TRHDE: variants seen among roughly 807,000 people sequenced by gnomAD.
TRHDE encodes thyrotropin releasing hormone degrading enzyme, also known as thyrotropin-releasing hormone-degrading ectoenzyme.
In TRHDE, 72 loss-of-function variants were observed where a neutral mutation model predicts 125.7. That is an observed-to-expected ratio of 0.57 (90% CI 0.47 to 0.70). The LOEUF is 0.70. TRHDE is among the 30% of genes least tolerant of loss of function. The pLI is 0.00. For missense variants in TRHDE, 1,110 were observed against 1,327.1 expected, an observed-to-expected ratio of 0.84 and a Z score of 2.54; for synonymous variants, 509 against 509.1, an observed-to-expected ratio of 1.00 and a Z score of 0.00.
intron 2 of TRHDE, among the ~76,000 whole-genome samples, chr12:72,303,406 T>A (rs935890183): frequency 6.6e-6 from 1 of 152,130 alleles, no homozygotes; most frequent in Non-Finnish European, 1.5e-5. Flanking sequence ...ACTGTTTTAC[T>A]GATGTTCATT....
At chr12:72,582,218 G>C (rs576923328) in intron 12 of TRHDE, 2 of 974,432 alleles carry the variant, frequency 2.1e-6, no homozygotes, top group Non-Finnish European at 2.4e-6. Context: ...TTATTTACTT[G>C]TCTAACAGCT....
At chr12:72,639,941 T>C (rs2136098120) in intron 15 of TRHDE, among the ~76,000 whole-genome samples, 2 of 135,518 alleles carry the variant, frequency 1.5e-5, no homozygotes, top group South Asian at 5.2e-4. Context: ...CTGTAGAGGT[T>C]ACTGCTGTCT....
intron 2 of TRHDE, among the ~76,000 whole-genome samples, chr12:72,109,492 G>T (rs558111633): frequency 6.6e-6 from 1 of 152,178 alleles, no homozygotes; most frequent in East Asian, 1.9e-4. Flanking sequence ...TCTAGAGTTA[G>T]TATAGCAGGT....
intron 2 of TRHDE, among the ~76,000 whole-genome samples, chr12:72,356,135 A>G (rs1405993151): frequency 6.6e-6 from 1 of 151,798 alleles, no homozygotes; most frequent in African/African-American, 2.4e-5. Context: ...CATGGGATCA[A>G]TCTAAATGCC....
intron 2 of TRHDE, among the ~76,000 whole-genome samples, chr12:72,233,450 G>A (rs188648832): frequency 6.6e-6 from 1 of 152,208 alleles, no homozygotes; most frequent in Non-Finnish European, 1.5e-5. Flanking sequence ...TGGCTAGAGC[G>A]CTGGGGCACA....
intron 2 of TRHDE, among the ~76,000 whole-genome samples, chr12:72,158,780 G>A (rs951604347): frequency 4.6e-5 from 7 of 152,156 alleles, no homozygotes; most frequent in African/African-American, 1.7e-4. Flanking sequence ...ATTCCTGATG[G>A]CTTATATCTT....
chr12:72,505,010 A>G (rs972787852), intron 6 of TRHDE, among the ~76,000 whole-genome samples: 1 of 152,140 alleles, frequency 6.6e-6, no homozygotes, highest in Non-Finnish European at 1.5e-5. Flanking sequence ...AATAATTATA[A>G]TACACTTTAA....
intron 16 of TRHDE, among the ~76,000 whole-genome samples, 173 bp from the exon 17 acceptor site, chr12:72,652,843 T>A (rs921465404): frequency 7.2e-5 from 11 of 152,000 alleles, no homozygotes; most frequent in African/African-American, 2.7e-4. Context: ...TACTATGAGT[T>A]TGATCCTCTT....
At chr12:72,468,880 G>A (rs1325712580) in intron 3 of TRHDE, among the ~76,000 whole-genome samples, 2 of 152,162 alleles carry the variant, frequency 1.3e-5, no homozygotes. Context: ...GCCTGGAGAT[G>A]TTTTTTAGTT....
At chr12:72,135,689 A>G (rs1422619989) in intron 2 of TRHDE, among the ~76,000 whole-genome samples, 1 of 152,010 alleles carries the variant, frequency 6.6e-6, no homozygotes, top group African/African-American at 2.4e-5. Flanking sequence ...TGTGGATGAG[A>G]TTGATGAGTA....
intron 2 of TRHDE, among the ~76,000 whole-genome samples, chr12:72,144,456 T>C (rs1027282121): frequency 2.0e-5 from 3 of 152,266 alleles, no homozygotes; most frequent in African/African-American, 7.2e-5. Flanking sequence ...TTTGCCCAAG[T>C]AGTCTTTGAG....
rs189150791 is a variant in TRHDE, at chr12:72,536,072, G to A, written c.1723-6219G>A. ...GATACATTATTTCTTAACTTCTCTT[G>A]TGCTGGAGGAGAGCAAACCATTAAG... On this transcript the variant is annotated intron_variant, in intron 6 of 18. Transcript: ENST00000261180. Among the ~76,000 whole-genome samples the A allele has an allele frequency of 2.6e-3, 402 of 152,186 alleles. 1 individual carries two copies. Among genetic ancestry groups the A allele is most frequent in the Middle Eastern group, 6.8e-3 (2 of 294 alleles).
intron 2 of TRHDE, among the ~76,000 whole-genome samples, chr12:72,219,754 T>C (rs1877965520): frequency 6.6e-6 from 1 of 152,174 alleles, no homozygotes; most frequent in African/African-American, 2.4e-5. Context: ...TCCATCTTGG[T>C]ATTTATTTCA....
At chr12:72,552,897 G>T (rs1390585866) in intron 7 of TRHDE, among the ~76,000 whole-genome samples, 2 of 152,088 alleles carry the variant, frequency 1.3e-5, no homozygotes, top group African/African-American at 2.4e-5. Context: ...GAAAGGAGAT[G>T]ATAATGTTGG....
chr12:72,520,629 A>T (rs951771882), intron 6 of TRHDE, among the ~76,000 whole-genome samples: 11 of 152,178 alleles, frequency 7.2e-5, no homozygotes, highest in Admixed American at 1.3e-4. Flanking sequence ...GGAGCTGTAG[A>T]CTGGAGCTGT....
chr12:72,572,686 C>A (rs1870803381), intron 10 of TRHDE, among the ~76,000 whole-genome samples: 1 of 152,112 alleles, frequency 6.6e-6, no homozygotes, highest in South Asian at 2.1e-4. Context: ...TAATGACATA[C>A]TTAAGAACAA....
At chr12:72,495,186 A>AT (rs367842494) in intron 5 of TRHDE, among the ~76,000 whole-genome samples, 26 of 149,820 alleles carry the variant, frequency 1.7e-4, no homozygotes, top group Middle Eastern at 6.9e-3. Flanking sequence ...CATTGGTTGA[A>AT]TTTTTTTCAT....
chr12:72,194,361 T>C (rs576090763), intron 2 of TRHDE, among the ~76,000 whole-genome samples: 23 of 152,132 alleles, frequency 1.5e-4, no homozygotes, highest in Non-Finnish European at 2.8e-4. Context: ...AGCCTTCTTA[T>C]GGAGGTCCTT....
intron 10 of TRHDE, among the ~76,000 whole-genome samples, chr12:72,569,973 G>A (rs1263480199): frequency 2.6e-5 from 4 of 152,150 alleles, no homozygotes; most frequent in Non-Finnish European, 5.9e-5. Context: ...ATGAGGGAGA[G>A]CAGTGAGTTG....
Sources: allele counts gnomAD v4.1 joint callset (sites outside exome capture counted in the v4.1 genomes callset), GRCh38; gene constraint gnomAD v4.1.1; transcripts MANE v1.5; gene names NCBI Gene and HGNC (gene_info 2026-07-23, HGNC 2026-07-21).